The following TXNRD1 variants were observed in gnomAD, a reference collection of about 807,000 sequenced individuals.
TXNRD1 encodes the protein thioredoxin reductase 1, cytoplasmic.
Under a neutral mutation model 80.3 loss-of-function variants are expected in TXNRD1, and 57 were observed. That is an observed-to-expected ratio of 0.71 (90% CI 0.57 to 0.89). The LOEUF is 0.89. Among genes scored for constraint, TXNRD1 ranks in the 40% least tolerant of loss-of-function variants. TXNRD1 has a pLI of 0.00. For synonymous variants in TXNRD1, 291 were observed against 285.2 expected (o/e 1.02, Z -0.20); for missense variants, 730 against 803.0 (o/e 0.91, Z 1.10).
At chr12:104,223,214 G>A (rs1041572601) in intron 1 of TXNRD1, among the ~76,000 whole-genome samples, 2 of 152,158 alleles carry the variant, frequency 1.3e-5, no homozygotes, top group African/African-American at 4.8e-5. Flanking sequence ...TCAAGTATGT[G>A]CAGCAGCTTT....
Position 104,233,591 on chromosome 12 carries a change from G to A in TXNRD1, c.91+17698G>A, listed in dbSNP as rs568622593. 2.1e-3 allele frequency among the ~76,000 whole-genome samples: 323 copies of A among 152,154 alleles called. 1 individual carries two copies. The highest frequency in any genetic ancestry group is 3.4e-3 in the Non-Finnish European group (230 of 67,998). On this transcript the variant is annotated intron_variant, in intron 1 of 16. Transcript: ENST00000525566. ...GGCTGGAGTGCAATGGCACAATCTCGGCTCACTGCAACCTCTGCCTCCCAG... is the reference window on the plus strand; with the variant it reads ...GGCTGGAGTGCAATGGCACAATCTCAGCTCACTGCAACCTCTGCCTCCCAG...
chr12:104,327,371 G>C, intron 12 of TXNRD1, 144 bp from the exon 13 acceptor site: 1 of 693,094 alleles, frequency 1.4e-6, no homozygotes. Context: ...GTTCCTTTGA[G>C]CTGTTTTGTT....
chr12:104,312,345 G>A (rs1049602953), intron 5 of TXNRD1, among the ~76,000 whole-genome samples: 12 of 152,136 alleles, frequency 7.9e-5, no homozygotes, highest in African/African-American at 2.9e-4. Context: ...CCCATGTGAG[G>A]ACCCCTTGGG....
chr12:104,224,782 C>T (rs1376461578), intron 1 of TXNRD1: 3 of 454,952 alleles, frequency 6.6e-6, no homozygotes, highest in African/African-American at 6.0e-5. Context: ...GTTATTCCCT[C>T]CTGATTTTCT....
chr12:104,291,187 AC>A, intron 4 of TXNRD1: 1 of 373,604 alleles, frequency 2.7e-6, no homozygotes, highest in Admixed American at 5.2e-5. Flanking sequence ...AACTTATTCT[AC>A]TTTGTGTCTT....
In TXNRD1 at chr12:104,293,920, A is replaced by G. The variant is rs1441166609; in HGVS notation, c.414+4880A>G. Among the ~76,000 whole-genome samples, 2 of 152,218 alleles carry G rather than the reference A, an allele frequency of 1.3e-5. 1 individual carries two copies. The highest frequency in any genetic ancestry group is 4.1e-4 in the South Asian group (2 of 4,836). On this transcript the variant is annotated intron_variant, in intron 4 of 16. Coordinates refer to ENST00000525566, the MANE Select transcript of TXNRD1 (RefSeq NM_001093771.3). The stretch of plus-strand genomic sequence containing the variant: ...GTAAGGTCACGTGGGTCATGTGTCC[A>G]CTGGACAGGGGGCCCTTCCCTGCCT...
At chr12:104,304,659 A>AT in intron 4 of TXNRD1, 1 of 1,613,984 alleles carries the variant, frequency 6.2e-7, no homozygotes, top group South Asian at 1.1e-5. Flanking sequence ...CCTGTGTCCT[A>AT]TTTTGAGTTT....
intron 3 of TXNRD1, among the ~76,000 whole-genome samples, chr12:104,271,060 G>A (rs113724071): frequency 0.081 from 12,338 of 152,126 alleles, 762 homozygotes; most frequent in African/African-American, 0.17. Context: ...ACGTGCATCC[G>A]TGTGAAAAGA....
At chr12:104,294,468 C>G (rs1209547933) in intron 4 of TXNRD1, among the ~76,000 whole-genome samples, 2 of 151,898 alleles carry the variant, frequency 1.3e-5, no homozygotes, top group African/African-American at 4.8e-5. Flanking sequence ...TCTGTATGGC[C>G]TGGTTTTTCC....
chr12:104,252,500 A>T (rs139291448), intron 2 of TXNRD1, among the ~76,000 whole-genome samples: 136 of 151,114 alleles, frequency 9.0e-4, no homozygotes, highest in African/African-American at 3.2e-3. Flanking sequence ...CCATTAACGA[A>T]GGTGAGAATT....
At chr12:104,254,920 C>T (rs2033217167) in intron 2 of TXNRD1, among the ~76,000 whole-genome samples, 1 of 151,604 alleles carries the variant, frequency 6.6e-6, no homozygotes, top group South Asian at 2.1e-4. Flanking sequence ...GCCTAGGCAA[C>T]ATGGTGAAAC....
At chr12:104,346,505 C>G (rs2036495749) in intron 16 of TXNRD1, among the ~76,000 whole-genome samples, 1 of 152,044 alleles carries the variant, frequency 6.6e-6, no homozygotes, top group East Asian at 1.9e-4. Flanking sequence ...AATTGATAAG[C>G]CTGGAATTTG....
intron 1 of TXNRD1, among the ~76,000 whole-genome samples, chr12:104,232,317 C>G (rs1200560965): frequency 6.6e-6 from 1 of 152,142 alleles, no homozygotes; most frequent in Non-Finnish European, 1.5e-5. Flanking sequence ...AATCCCAACA[C>G]TTTGGGAGGC....
chr12:104,302,384 CTTTT>C (rs74263333), intron 4 of TXNRD1, among the ~76,000 whole-genome samples: 2 of 122,436 alleles, frequency 1.6e-5, no homozygotes, highest in South Asian at 2.6e-4. Context: ...TTGTGGGTGT[CTTTT>C]TTTTTTTAAG....
intron 4 of TXNRD1, among the ~76,000 whole-genome samples, chr12:104,306,631 A>G (rs2034926732): frequency 6.6e-6 from 1 of 152,224 alleles, no homozygotes; most frequent in Non-Finnish European, 1.5e-5. Flanking sequence ...TTCACCAATA[A>G]TAGAGTAGAG....
intron 1 of TXNRD1, among the ~76,000 whole-genome samples, chr12:104,216,529 A>G (rs2032218601): frequency 2.0e-5 from 3 of 152,222 alleles, no homozygotes; most frequent in African/African-American, 7.2e-5. Context: ...AATAATGGCT[A>G]GTGGTTACTA....
chr12:104,275,924 GTATT>G (rs1352453727), intron 3 of TXNRD1, among the ~76,000 whole-genome samples: 2 of 152,174 alleles, frequency 1.3e-5, no homozygotes, highest in Non-Finnish European at 2.9e-5. Flanking sequence ...TGTAGATACT[GTATT>G]TATCACCATT....
At chr12:104,319,158 T>A in intron 8 of TXNRD1, 103 bp downstream of exon 8, 1 of 1,333,232 alleles carries the variant, frequency 7.5e-7, no homozygotes, top group South Asian at 1.6e-5. Context: ...TAATAGCCAC[T>A]GTGACCCAGA....
At chr12:104,239,562 CTT>C (rs112851464) in intron 1 of TXNRD1, among the ~76,000 whole-genome samples, 2,900 of 151,774 alleles carry the variant, frequency 0.019, 112 homozygotes, top group East Asian at 0.11. Context: ...CTTCTCATTC[CTT>C]TTTTTTCCCT....
Sources: gnomAD v4.1 joint callset for allele counts (sites outside exome capture counted in the v4.1 genomes callset) on GRCh38, gnomAD v4.1.1 for gene constraint, MANE v1.5 for transcripts, NCBI Gene and HGNC (gene_info 2026-07-23, HGNC 2026-07-21) for gene names.